Variants in NOVA1 observed in about 807,000 individuals in gnomAD.
NOVA1 encodes NOVA alternative splicing regulator 1.
NOVA1 carries 7 observed loss-of-function variants against 38.0 expected under a neutral mutation model. That is an observed-to-expected ratio of 0.18 (90% confidence interval 0.10 to 0.35). The LOEUF is 0.35. Ranked by LOEUF, NOVA1 falls within the 10% of genes least tolerant of loss-of-function variation. NOVA1 has a pLI of 1.00. For synonymous variants in NOVA1, 270 were observed against 232.5 expected (o/e 1.16, Z -1.47); for missense variants, 460 against 616.0 (o/e 0.75, Z 2.68).
chr14:26,576,418 C>T (rs1421742732), intron 2 of NOVA1, among the ~76,000 whole-genome samples: 1 of 151,396 alleles, frequency 6.6e-6, no homozygotes, highest in East Asian at 2.0e-4. Context: ...AGGAAACTCC[C>T]AGCTGACAGG....
intron 2 of NOVA1, among the ~76,000 whole-genome samples, chr14:26,490,594 G>C (rs563891460): frequency 5.3e-5 from 8 of 152,210 alleles, no homozygotes; most frequent in African/African-American, 1.7e-4. Flanking sequence ...TAATAATGTC[G>C]AACATTTTTG....
chr14:26,453,400 A>C (rs1015335361), intron 4 of NOVA1, among the ~76,000 whole-genome samples: 2 of 152,034 alleles, frequency 1.3e-5, no homozygotes, highest in African/African-American at 4.8e-5. Context: ...AATTAAAAGA[A>C]TCTTTACTTA....
chr14:26,544,867 C>T (rs947492715), intron 2 of NOVA1, among the ~76,000 whole-genome samples: 2 of 152,002 alleles, frequency 1.3e-5, no homozygotes, highest in African/African-American at 2.4e-5. Context: ...TAACTCTCTG[C>T]TTGCACCCTG....
Position 26,445,068 on chromosome 14 carries a change from T to C in NOVA1, c.*2891A>G, listed in dbSNP as rs997015089. ...GAAAGTGACCCTGAAACAGAATGCA[T>C]TAAAAAGACATAGAAAGCTGCAGAA... On this transcript the variant is annotated 3_prime_UTR_variant, in exon 5 of 5. Transcript: ENST00000539517. The C allele has an allele frequency of 1.3e-5, 2 of 152,112 alleles. No homozygotes were observed. The highest frequency in any genetic ancestry group is 2.9e-5 in the Non-Finnish European group (2 of 68,024). 9.4% of individuals were successfully genotyped at this position (152,112 alleles called of 1,614,324 possible).
intron 2 of NOVA1, among the ~76,000 whole-genome samples, chr14:26,581,903 T>C (rs1044141678): frequency 3.9e-5 from 6 of 151,908 alleles, no homozygotes; most frequent in South Asian, 2.1e-4. Context: ...TATCTTATAT[T>C]CTTCATCTGT....
chr14:26,459,178 C>T (rs147173250), intron 4 of NOVA1, among the ~76,000 whole-genome samples: 1,574 of 152,068 alleles, frequency 0.01, 19 homozygotes, highest in Middle Eastern at 0.038. Context: ...GTTCCCTATA[C>T]AGGAGTATAT....
At chr14:26,556,901 A>G (rs1235654857) in intron 2 of NOVA1, among the ~76,000 whole-genome samples, 1 of 152,226 alleles carries the variant, frequency 6.6e-6, no homozygotes, top group African/African-American at 2.4e-5. Context: ...CAGGACTGTT[A>G]TAACAAAGTA....
chr14:26,574,659 T>A (rs937204261), intron 2 of NOVA1, among the ~76,000 whole-genome samples: 7 of 152,052 alleles, frequency 4.6e-5, no homozygotes, highest in Admixed American at 4.6e-4. Context: ...GGACTACTCA[T>A]TCATATTGTC....
intron 4 of NOVA1, among the ~76,000 whole-genome samples, chr14:26,452,409 A>C (rs1594317429): frequency 1.3e-5 from 2 of 152,318 alleles, no homozygotes; most frequent in South Asian, 4.1e-4. Context: ...GGAAGCTTTG[A>C]GATGGTGGAC....
intron 2 of NOVA1, among the ~76,000 whole-genome samples, chr14:26,570,058 A>C (rs1023553478): frequency 9.9e-5 from 15 of 152,146 alleles, no homozygotes; most frequent in Non-Finnish European, 1.0e-4. Flanking sequence ...ATAAAAGTAT[A>C]AACTAAGGCC....
rs1048268750 is a variant in NOVA1 at position 26,471,498 on chromosome 14, G to T, written c.519+822C>A. ...AGAAAATAACATTTCTCACCTAAATGAAGCTCAACTCACACAAAATAAAAA... is the reference window on the plus strand; with the variant it reads ...AGAAAATAACATTTCTCACCTAAATTAAGCTCAACTCACACAAAATAAAAA... On this transcript the variant is annotated intron_variant, in intron 4 of 4. Transcript: ENST00000539517. Among the ~76,000 whole-genome samples, 3 of 151,170 alleles carry T rather than the reference G, an allele frequency of 2.0e-5. No individual in the cohort carries two copies. In the East Asian group the frequency reaches 5.8e-4, roughly 29 times the overall value.
chr14:26,597,771 G>T lies in NOVA1; in HGVS notation c.-335C>A. 1.1e-6 allele frequency: 1 copy of T among 872,734 alleles called. No individual in the cohort carries two copies. 54.1% of individuals were successfully genotyped at this position (872,734 alleles called of 1,614,324 possible). On this transcript the variant is annotated 5_prime_UTR_variant, in exon 1 of 5. Coordinates refer to ENST00000539517, the MANE Select transcript of NOVA1 (RefSeq NM_002515.3). ...AAGGGAGAGGGGCGAGTGAATGAGC[G>T]GGAGGAGGGGACCGGGGAGGACAGG...
chr14:26,492,863 G>T (rs573240682), intron 2 of NOVA1, among the ~76,000 whole-genome samples: 2 of 152,014 alleles, frequency 1.3e-5, no homozygotes, highest in Non-Finnish European at 2.9e-5. Flanking sequence ...TACTCGAGAG[G>T]TGGAGGTTTC....
At chr14:26,527,126 C>G (rs1429574095) in intron 2 of NOVA1, among the ~76,000 whole-genome samples, 2 of 152,192 alleles carry the variant, frequency 1.3e-5, no homozygotes, top group Non-Finnish European at 2.9e-5. Context: ...GAACTCTGCT[C>G]ACTAGGTGAA....
intron 2 of NOVA1, chr14:26,588,561 G>GT (rs1893668056): frequency 6.6e-6 from 1 of 151,380 alleles, no homozygotes; most frequent in Non-Finnish European, 1.5e-5. Context: ...CCATACAGTG[G>GT]TGTGAAACTT....
intron 2 of NOVA1, among the ~76,000 whole-genome samples, chr14:26,494,731 T>A (rs1018939196): frequency 6.6e-6 from 1 of 152,006 alleles, no homozygotes; most frequent in African/African-American, 2.4e-5. Flanking sequence ...ATTCTCTCTC[T>A]CTCTTTCTCT....
chr14:26,575,135 T>G (rs1307932181), intron 2 of NOVA1, among the ~76,000 whole-genome samples: 1 of 152,206 alleles, frequency 6.6e-6, no homozygotes, highest in African/African-American at 2.4e-5. Context: ...TTAAAATGTA[T>G]GTAATTCAAT....
intron 2 of NOVA1, among the ~76,000 whole-genome samples, chr14:26,504,872 G>C (rs1039563566): frequency 6.6e-6 from 1 of 152,134 alleles, no homozygotes; most frequent in African/African-American, 2.4e-5. Flanking sequence ...AAGAGATAGG[G>C]TGGTTCTTTG....
chr14:26,592,562 C>G (rs1893922180), intron 2 of NOVA1, among the ~76,000 whole-genome samples: 1 of 151,294 alleles, frequency 6.6e-6, no homozygotes, highest in Non-Finnish European at 1.5e-5. Context: ...TTTACAATTC[C>G]TCATCACACA....
Sources: allele counts gnomAD v4.1 joint callset (sites outside exome capture counted in the v4.1 genomes callset), GRCh38; gene constraint gnomAD v4.1.1; transcripts MANE v1.5; gene names NCBI Gene and HGNC (gene_info 2026-07-23, HGNC 2026-07-21).